POFUT3: variants seen among roughly 807,000 people sequenced by gnomAD.
The protein encoded by POFUT3 is protein O-fucosyltransferase 3.
the POFUT3 span, among the ~76,000 whole-genome samples, chr8:33,336,092 A>G: frequency 1.3e-5 from 2 of 152,262 alleles, no homozygotes; most frequent in African/African-American, 2.4e-5. Flanking sequence ...TGTTATTCAC[A>G]ATGTAGTTAC....
chr8:33,456,157 C>A, the POFUT3 span, among the ~76,000 whole-genome samples: 1 of 152,054 alleles, frequency 6.6e-6, no homozygotes, highest in Non-Finnish European at 1.5e-5. Context: ...TTTCATCTGA[C>A]CTTCTTCCCC....
chr8:33,379,846 A>ATAT, the POFUT3 span, among the ~76,000 whole-genome samples: 8 of 102,162 alleles, frequency 7.8e-5, no homozygotes, highest in African/African-American at 3.6e-4. Context: ...AAAAAAAAAA[A>ATAT]ATATATATAT....
chr8:33,455,485 C>T, the POFUT3 span, among the ~76,000 whole-genome samples: 1 of 152,124 alleles, frequency 6.6e-6, no homozygotes, highest in Non-Finnish European at 1.5e-5. Context: ...GATTGCACCA[C>T]TGTACAGCAG....
chr8:33,431,746 T>C, the POFUT3 span, among the ~76,000 whole-genome samples: 1 of 151,968 alleles, frequency 6.6e-6, no homozygotes, highest in Non-Finnish European at 1.5e-5. Flanking sequence ...CATGTTGTAA[T>C]TGGATTTTTT....
the POFUT3 span, among the ~76,000 whole-genome samples, chr8:33,340,996 T>C: frequency 6.6e-6 from 1 of 152,130 alleles, no homozygotes. Flanking sequence ...CATATTGTTT[T>C]TAAGCACTCA....
At chr8:33,432,479 G>A in the POFUT3 span, among the ~76,000 whole-genome samples, 1 of 151,690 alleles carries the variant, frequency 6.6e-6, no homozygotes, top group Non-Finnish European at 1.5e-5. Context: ...CATTCCTATT[G>A]GTATGGGTAA....
chr8:33,451,448 A>G, the POFUT3 span, among the ~76,000 whole-genome samples: 1 of 151,964 alleles, frequency 6.6e-6, no homozygotes, highest in East Asian at 1.9e-4. Context: ...ATATATGTGC[A>G]TGTGTATATG....
chr8:33,421,982 C>T, the POFUT3 span, among the ~76,000 whole-genome samples: 7 of 101,836 alleles, frequency 6.9e-5, no homozygotes, highest in African/African-American at 2.9e-4. Flanking sequence ...TTCCCTAGAT[C>T]AAATGGTTTT....
chr8:33,436,192 A>G, the POFUT3 span: 1 of 1,262,716 alleles, frequency 7.9e-7, no homozygotes, highest in Non-Finnish European at 1.1e-6. Context: ...GACTGAATGC[A>G]CCAAGCCGAG....
At chr8:33,437,081 T>C in the POFUT3 span, among the ~76,000 whole-genome samples, 11,144 of 152,288 alleles carry the variant, frequency 0.073, 638 homozygotes, top group East Asian at 0.2. Flanking sequence ...TTCATGTTGC[T>C]GTGGAGGACA....
chr8:33,421,442 G>C, the POFUT3 span, among the ~76,000 whole-genome samples: 1 of 152,058 alleles, frequency 6.6e-6, no homozygotes, highest in Non-Finnish European at 1.5e-5. Flanking sequence ...TATGACCTAC[G>C]ACCCAGAATT....
the POFUT3 span, among the ~76,000 whole-genome samples, chr8:33,454,172 A>G: frequency 6.6e-6 from 1 of 152,306 alleles, no homozygotes; most frequent in South Asian, 2.1e-4. Context: ...GTTATCACAC[A>G]GTTCTGAAGT....
chr8:33,418,477 A>G, the POFUT3 span, among the ~76,000 whole-genome samples: 8 of 114,322 alleles, frequency 7.0e-5, no homozygotes, highest in Admixed American at 5.9e-4. Flanking sequence ...TAATTTTTGT[A>G]TTTTTAGTAG....
chr8:33,432,857 G>A, the POFUT3 span, among the ~76,000 whole-genome samples: 1 of 152,076 alleles, frequency 6.6e-6, no homozygotes, highest in South Asian at 2.1e-4. Context: ...AATAACCAAG[G>A]TCTAAGTAAG....
At chr8:33,339,143 A>G in the POFUT3 span, among the ~76,000 whole-genome samples, 1 of 152,248 alleles carries the variant, frequency 6.6e-6, no homozygotes, top group South Asian at 2.1e-4. Context: ...TAATTTTTTA[A>G]TGCTCCAATG....
the POFUT3 span, among the ~76,000 whole-genome samples, chr8:33,373,253 T>C: frequency 2.0e-5 from 3 of 152,212 alleles, no homozygotes. Context: ...GTGTTCTCAA[T>C]CTCTGGGCAT....
At chr8:33,372,403 C>A in the POFUT3 span, 5 of 1,394,272 alleles carry the variant, frequency 3.6e-6, no homozygotes, top group Middle Eastern at 2.6e-4. Context: ...TAGTGGCTAC[C>A]CCTAAGGGTA....
chr8:33,389,019 C>T, the POFUT3 span: 2 of 1,614,168 alleles, frequency 1.2e-6, no homozygotes, highest in Non-Finnish European at 1.7e-6. Context: ...CACTCAAATG[C>T]ATCGATGTAA....
At chr8:33,334,271 A>G in the POFUT3 span, among the ~76,000 whole-genome samples, 4 of 151,662 alleles carry the variant, frequency 2.6e-5, no homozygotes, top group South Asian at 8.3e-4. Flanking sequence ...AGGCTTGAGT[A>G]CACTGGCATG....
Sources: gnomAD v4.1 joint callset for allele counts (sites outside exome capture counted in the v4.1 genomes callset) on GRCh38, gnomAD v4.1.1 for gene constraint, MANE v1.5 for transcripts, NCBI Gene and HGNC (gene_info 2026-07-23, HGNC 2026-07-21) for gene names.